BANP: variants seen among roughly 807,000 people sequenced by gnomAD.
BANP encodes the protein protein BANP.
A neutral mutation model predicts 68.1 loss-of-function variants in BANP; 11 were observed. The observed-to-expected ratio is 0.16, with a 90% confidence interval of 0.10 to 0.27. BANP has a LOEUF of 0.27. Among genes scored for constraint, BANP ranks in the 10% least tolerant of loss-of-function variants. The pLI is 1.00. For missense variants in BANP, 504 were observed against 722.7 expected (o/e 0.70, Z 3.47); for synonymous variants, 329 against 303.2 (o/e 1.09, Z -0.88).
intron 3 of BANP, among the ~76,000 whole-genome samples, chr16:87,983,373 G>T (rs767331104): frequency 6.6e-6 from 1 of 152,338 alleles, no homozygotes; most frequent in African/African-American, 2.4e-5. Context: ...GTGGCTCCTG[G>T]CTGGGACGGC....
At chr16:88,068,158 G>A (rs540025513) in intron 12 of BANP, among the ~76,000 whole-genome samples, 1 of 152,282 alleles carries the variant, frequency 6.6e-6, no homozygotes, top group African/African-American at 2.4e-5. Flanking sequence ...CGTCCCACCT[G>A]TGGCCCCTGC....
chr16:88,025,240 G>A (rs920201312), intron 7 of BANP, among the ~76,000 whole-genome samples: 2 of 152,192 alleles, frequency 1.3e-5, no homozygotes, highest in African/African-American at 4.8e-5. Flanking sequence ...GGGTTTTCCG[G>A]TAACTATGGT....
At chr16:87,950,069 G>A (rs2056666603), upstream of BANP, among the ~76,000 whole-genome samples, 1 of 151,998 alleles carries the variant, frequency 6.6e-6, no homozygotes, top group Non-Finnish European at 1.5e-5. Context: ...AGTAGAGACG[G>A]GGTTTCACCG....
At chr16:87,991,904 A>G (rs1267261351) in intron 4 of BANP, among the ~76,000 whole-genome samples, 2 of 152,064 alleles carry the variant, frequency 1.3e-5, no homozygotes, top group African/African-American at 2.4e-5. Flanking sequence ...ATTTCAGTGT[A>G]TTTTCTTTAT....
chr16:87,982,453 T>C (rs2063460502), intron 3 of BANP, among the ~76,000 whole-genome samples: 3 of 152,238 alleles, frequency 2.0e-5, no homozygotes, highest in Admixed American at 1.3e-4. Flanking sequence ...TCTCCGGTTG[T>C]TGAAAATAGC....
chr16:87,953,359 C>T (rs2057371269), intron 1 of BANP, among the ~76,000 whole-genome samples: 1 of 152,176 alleles, frequency 6.6e-6, no homozygotes, highest in African/African-American at 2.4e-5. Context: ...TTCTCCACAG[C>T]TCTGAGTAAG....
At chr16:87,993,322 C>T (rs2066355093) in intron 4 of BANP, among the ~76,000 whole-genome samples, 1 of 152,244 alleles carries the variant, frequency 6.6e-6, no homozygotes, top group Non-Finnish European at 1.5e-5. Flanking sequence ...TGTGTGCCGC[C>T]TCCTCGAGGG....
At chr16:88,052,080 C>G (rs559370014) in intron 11 of BANP, among the ~76,000 whole-genome samples, 1 of 152,316 alleles carries the variant, frequency 6.6e-6, no homozygotes, top group African/African-American at 2.4e-5. Flanking sequence ...GCACTCTTAA[C>G]AGCCAAGGAC....
rs920016414 is a variant in BANP at position 88,064,251 on chromosome 16, G to A, written c.1312-1016G>A. ...CGAGGCGGTGGATGTTGAGGCAGTT[G>A]TGCGTCCACGGCGGGGCCTGCCTCC... is the stretch of plus-strand genomic sequence containing the variant. On this transcript the variant is annotated intron_variant, in intron 11 of 13. Transcript: ENST00000682872. The surrounding 1 kb of genome is among the most constrained non-coding windows in gnomAD (Gnocchi z 4.5). Among the ~76,000 whole-genome samples, 1 of 152,140 alleles carries A rather than the reference G, an allele frequency of 6.6e-6. No individual in the cohort carries two copies.
At chr16:87,989,211 G>T (rs1247614354) in intron 4 of BANP, among the ~76,000 whole-genome samples, 2 of 152,196 alleles carry the variant, frequency 1.3e-5, no homozygotes, top group African/African-American at 4.8e-5. Context: ...CATCGACTTG[G>T]GGACAAGAAA....
chr16:87,962,492 AGAGGACCCT>A (rs925014950), intron 1 of BANP, among the ~76,000 whole-genome samples: 15 of 152,196 alleles, frequency 9.9e-5, no homozygotes, highest in Admixed American at 2.6e-4. Context: ...AGAATGGTGA[AGAGGACCCT>A]GAGGCCAGAA....
chr16:88,023,125 G>C (rs1250314322), intron 7 of BANP, among the ~76,000 whole-genome samples: 1 of 152,154 alleles, frequency 6.6e-6, no homozygotes, highest in Non-Finnish European at 1.5e-5. Context: ...GTGTTTGTCT[G>C]TGTATCTTGG....
rs552247375 is a variant in BANP, at chr16:88,006,907, G to A, written c.655+642G>A. 1.1e-4 allele frequency among the ~76,000 whole-genome samples: 15 copies of A among 135,540 alleles called. No individual in the cohort carries two copies. The East Asian group carries it at 1.3e-3, about 12-fold the overall frequency. The allele number at this position is 135,540 out of a possible 152,430, so 88.9% of individuals were successfully genotyped here. On this transcript the variant is annotated intron_variant, in intron 6 of 13. Transcript: ENST00000682872. Reference sequence around the variant, plus strand: ...GCAGAGGTTGCAGTGAGCTGAGATCGCACCACTGTACTCTAGCCTGGGCGT... The same window carrying A: ...GCAGAGGTTGCAGTGAGCTGAGATCACACCACTGTACTCTAGCCTGGGCGT...
At chr16:88,073,536 C>T (rs1156540407) in intron 13 of BANP, among the ~76,000 whole-genome samples, 3 of 148,290 alleles carry the variant, frequency 2.0e-5, no homozygotes, top group Non-Finnish European at 4.5e-5. Context: ...GGGCGCAGAA[C>T]GCACAGGCAG....
In BANP at chr16:88,054,351, A is replaced by C. The variant is rs150911053; in HGVS notation, c.1312-10916A>C. ...TCATCTCCATCATCACCACCAACAC[A>C]GCCACCCTAACAACCACTACCACCA... On this transcript the variant is annotated intron_variant, in intron 11 of 13. Coordinates refer to ENST00000682872, the MANE Select transcript of BANP (RefSeq NM_001386991.1). Among the ~76,000 whole-genome samples, 170 of 137,838 alleles carry C rather than the reference A, an allele frequency of 1.2e-3. 4 individuals carry two copies. Among genetic ancestry groups the C allele is most frequent in the African/African-American group, 4.3e-3 (163 of 38,312 alleles). 90.4% of individuals were successfully genotyped at this position (137,838 alleles called of 152,430 possible).
rs2090506594 is a variant in BANP at position 88,072,162 on chromosome 16, G to A, written c.1471G>A (p.Val491Ile). ...GCCACTCCAGGGCAGCGACATCCAGGTTCAGTACGTGCAGCTGGCGCCAGT... is the reference window on the plus strand; with the variant it reads ...GCCACTCCAGGGCAGCGACATCCAGATTCAGTACGTGCAGCTGGCGCCAGT... ...GSPLQGSDIQ[V>I]QYVQLAPVSD... The change falls in exon 13 of 14, where the codon GTT becomes ATT. Residue 491 changes from valine to isoleucine, a missense_variant. Coordinates refer to ENST00000682872, the MANE Select transcript of BANP (RefSeq NM_001386991.1). 6.2e-7 allele frequency: 1 copy of A among 1,611,448 alleles called. No homozygotes were observed. Among genetic ancestry groups the A allele is most frequent in the African/African-American group, 1.3e-5 (1 of 74,908 alleles).
At chr16:87,996,055 C>T (rs1487683888) in intron 4 of BANP, among the ~76,000 whole-genome samples, 1 of 152,230 alleles carries the variant, frequency 6.6e-6, no homozygotes, top group Non-Finnish European at 1.5e-5. Context: ...GTCCTCTCAG[C>T]ATCTCCATGT....
intron 1 of BANP, among the ~76,000 whole-genome samples, chr16:87,972,796 C>T (rs1395765458): frequency 6.6e-6 from 1 of 152,190 alleles, no homozygotes; most frequent in Non-Finnish European, 1.5e-5. Context: ...ATTTTGTGTT[C>T]AGTTCCAAGC....
chr16:88,071,655 C>T lies in BANP; in HGVS notation c.1378-414C>T, dbSNP rs753988520. 15 of 469,152 alleles carry T rather than the reference C, an allele frequency of 3.2e-5. No individual in the cohort carries two copies. The highest frequency in any genetic ancestry group is 1.4e-4 in the African/African-American group (7 of 50,696). 29.1% of individuals were successfully genotyped at this position (469,152 alleles called of 1,614,324 possible). ...GGTTTGGGTCTCAGCCTCACGCTCA[C>T]GGTCCTGGCTTGGATTTTAGGCCTC... On this transcript the variant is annotated intron_variant, in intron 12 of 13. Transcript: ENST00000682872. The surrounding 1 kb of genome is among the most constrained non-coding windows in gnomAD (Gnocchi z 6.5).
Sources: allele counts gnomAD v4.1 joint callset (sites outside exome capture counted in the v4.1 genomes callset), GRCh38; gene constraint gnomAD v4.1.1; non-coding constraint Gnocchi (gnomAD v3.1); transcripts MANE v1.5; gene names NCBI Gene and HGNC (gene_info 2026-07-23, HGNC 2026-07-21).